SANBR: variants seen among roughly 807,000 people sequenced by gnomAD.
SANBR encodes SANT and BTB domain regulator of CSR, also known as SANT and BTB domain regulator of class switch recombination.
Under a neutral mutation model 101.8 loss-of-function variants are expected in SANBR, and 77 were observed. That is an observed-to-expected ratio of 0.76 (90% CI 0.63 to 0.91). The LOEUF is 0.91. Among genes scored for constraint, SANBR ranks in the 40% least tolerant of loss-of-function variants. SANBR has a pLI of 0.00. For synonymous variants in SANBR, 279 were observed against 274.7 expected, an observed-to-expected ratio of 1.02 and a Z score of -0.15; for missense variants, 875 against 853.0, an observed-to-expected ratio of 1.03 and a Z score of -0.32.
Position 61,106,678 on chromosome 2 carries a change from T to C in SANBR, c.1611+16T>C, listed in dbSNP as rs1559125960. The C allele has an allele frequency of 7.3e-7, 1 of 1,375,408 alleles. No homozygotes were observed. Among genetic ancestry groups the C allele is most frequent in the Admixed American group, 2.2e-5 (1 of 44,652 alleles). 85.2% of individuals were successfully genotyped at this position (1,375,408 alleles called of 1,614,324 possible). A position where few individuals can be genotyped will look rare whatever the true frequency, so the allele number is the denominator to read the frequency against. On this transcript the variant is annotated intron_variant, in intron 14 of 21. Transcript: ENST00000402291. ...GCTCAATGCTGTGAGTAGTTTTTTT[T>C]CACTTATTCTTTATTTACATAAATA...
At chr2:61,132,255 C>T (rs1684710956) in intron 20 of SANBR, among the ~76,000 whole-genome samples, 1 of 152,054 alleles carries the variant, frequency 6.6e-6, no homozygotes, top group Admixed American at 6.6e-5. Context: ...AAAATGTTTA[C>T]AAAGTATGTA....
At chr2:61,133,057 G>C (rs538066867) in intron 20 of SANBR, among the ~76,000 whole-genome samples, 1 of 152,230 alleles carries the variant, frequency 6.6e-6, no homozygotes, top group African/African-American at 2.4e-5. Context: ...GTCAAGACCA[G>C]CCTGGTCAAC....
chr2:61,098,994 A>C (rs1683164887), intron 12 of SANBR, among the ~76,000 whole-genome samples: 1 of 152,254 alleles, frequency 6.6e-6, no homozygotes, highest in African/African-American at 2.4e-5. Flanking sequence ...AGGAGCTGGC[A>C]TTAGGTTGAG....
At chr2:61,089,212 T>C (rs956129288) in intron 10 of SANBR, 18 of 984,976 alleles carry the variant, frequency 1.8e-5, no homozygotes, top group Non-Finnish European at 1.8e-5. Flanking sequence ...ACTTTGTCAG[T>C]ATTTCATTAA....
chr2:61,133,633 G>A (rs1301445993), intron 20 of SANBR, among the ~76,000 whole-genome samples: 1 of 152,090 alleles, frequency 6.6e-6, no homozygotes, highest in Non-Finnish European at 1.5e-5. Context: ...AAGTAGATAT[G>A]TGCTACAACA....
intron 20 of SANBR, among the ~76,000 whole-genome samples, chr2:61,119,816 G>A (rs1250158685): frequency 1.3e-5 from 2 of 152,122 alleles, no homozygotes; most frequent in Non-Finnish European, 2.9e-5. Flanking sequence ...ACAAAAATTA[G>A]CCAGGTATGG....
chr2:61,070,632 TC>T lies in SANBR; in HGVS notation c.150+133del, dbSNP rs200568482. The T allele has an allele frequency of 3.7e-3, 2,082 of 568,430 alleles. 38 individuals carry two copies. Among genetic ancestry groups the T allele is most frequent in the African/African-American group, 0.036 (1,753 of 49,250 alleles). 35.2% of individuals were successfully genotyped at this position (568,430 alleles called of 1,614,324 possible). On this transcript the variant is annotated intron_variant, in intron 3 of 21. Coordinates refer to ENST00000402291, the MANE Select transcript of SANBR (RefSeq NM_001129993.3). The stretch of plus-strand genomic sequence containing the variant: ...TGCATGTATTAACACTGAATAGACA[TC>T]TATATAATTTGACTAGATGCAAATT...
At chr2:61,074,400 T>C (rs1681647023) in intron 5 of SANBR, among the ~76,000 whole-genome samples, 1 of 152,230 alleles carries the variant, frequency 6.6e-6, no homozygotes, top group Non-Finnish European at 1.5e-5. Flanking sequence ...TTTTAGTTTA[T>C]TGACACAGTC....
rs1051143887 is a variant in SANBR, at chr2:61,122,646, A to C, written c.*484A>C. On this transcript the variant is annotated 3_prime_UTR_variant, in exon 22 of 22. Transcript: ENST00000402291. ...CCAATGATGCTAATTTTAAGTCTGC[A>C]TGAATATTAAGGAGTGACAGGTCTC... is the stretch of plus-strand genomic sequence containing the variant. 2 of 986,706 alleles carry C rather than the reference A, an allele frequency of 2.0e-6. No individual in the cohort carries two copies. The highest frequency in any genetic ancestry group is 3.5e-5 in the African/African-American group (2 of 57,258). 61.1% of individuals were successfully genotyped at this position (986,706 alleles called of 1,614,324 possible). A position where few individuals can be genotyped will look rare whatever the true frequency, so the allele number is the denominator to read the frequency against.
intron 11 of SANBR, among the ~76,000 whole-genome samples, chr2:61,095,771 G>C (rs1317165808): frequency 6.6e-6 from 1 of 152,010 alleles, no homozygotes; most frequent in African/African-American, 2.4e-5. Context: ...CCACCTCAGA[G>C]TCCCCCGCAA....
Position 61,070,345 on chromosome 2 carries a change from CA to C in SANBR, c.-2del. 1.3e-6 allele frequency: 2 copies of C among 1,558,850 alleles called. No individual in the cohort carries two copies. The highest frequency in any genetic ancestry group is 2.1e-5 in the Admixed American group (1 of 47,612). On this transcript the variant is annotated 5_prime_UTR_variant, in exon 3 of 22. Transcript: ENST00000402291. ...TTTTTGTCTTCCCTATCCCTAGTTC[CA>C]AAAGATGAGTCGTGGATATTCAGAA...
At chr2:61,117,659 A>G (rs888580935) in intron 19 of SANBR, 119 bp downstream of exon 19, 20 of 843,910 alleles carry the variant, frequency 2.4e-5, no homozygotes, top group African/African-American at 3.4e-5. Flanking sequence ...TAAGGCCCCA[A>G]ATTTGCATAT....
chr2:61,078,865 C>T (rs1681935586), intron 6 of SANBR, among the ~76,000 whole-genome samples: 1 of 151,610 alleles, frequency 6.6e-6, no homozygotes, highest in Admixed American at 6.6e-5. Flanking sequence ...ATGGCAAAAC[C>T]CCGTCTCTAC....
intron 16 of SANBR, among the ~76,000 whole-genome samples, chr2:61,109,681 G>GTTTTT (rs1297359773): frequency 2.4e-5 from 3 of 124,820 alleles, no homozygotes; most frequent in Non-Finnish European, 1.7e-5. Context: ...TTTTGTGTTT[G>GTTTTT]TTTTTTTTTT....
chr2:61,117,652 G>T (rs1469181752), intron 19 of SANBR, 112 bp downstream of exon 19: 1 of 957,736 alleles, frequency 1.0e-6, no homozygotes, highest in African/African-American at 1.6e-5. Context: ...GCTAAAGTAA[G>T]GCCCCAAATT....
At chr2:61,115,346 A>T (rs13419362) in intron 16 of SANBR, among the ~76,000 whole-genome samples, 7,195 of 147,560 alleles carry the variant, frequency 0.049, 292 homozygotes, top group African/African-American at 0.099. Flanking sequence ...ATATATATAT[A>T]TTTTTTTTTT....
At chr2:61,114,244 C>G (rs1188049412) in intron 16 of SANBR, among the ~76,000 whole-genome samples, 15 of 152,178 alleles carry the variant, frequency 9.9e-5, no homozygotes. Context: ...TAAAGAGTTG[C>G]AGCCGCGACC....
chr2:61,117,325 A>C, intron 17 of SANBR, 32 bp from the exon 18 acceptor site: 1 of 1,601,630 alleles, frequency 6.2e-7, no homozygotes, highest in Non-Finnish European at 8.6e-7. Context: ...ACATGTTCTA[A>C]TTGGGCCTTA....
intron 20 of SANBR, among the ~76,000 whole-genome samples, chr2:61,129,751 G>A (rs1384162124): frequency 6.6e-6 from 1 of 151,754 alleles, no homozygotes. Context: ...TGCAATAAAA[G>A]CTATAAATAT....
Sources: allele counts gnomAD v4.1 joint callset (sites outside exome capture counted in the v4.1 genomes callset), GRCh38; gene constraint gnomAD v4.1.1; transcripts MANE v1.5; gene names NCBI Gene and HGNC (gene_info 2026-07-23, HGNC 2026-07-21).